CDH6: variants seen among roughly 807,000 people sequenced by gnomAD.
CDH6 encodes the protein cadherin-6.
In CDH6, 31 loss-of-function variants were observed where a neutral mutation model predicts 78.0. That is an observed-to-expected ratio of 0.40 (90% CI 0.30 to 0.54). The LOEUF is 0.54. Among genes scored for constraint, CDH6 ranks in the 20% least tolerant of loss-of-function variants. The pLI, the probability that CDH6 is intolerant of heterozygous loss-of-function variation, is 0.56. For missense variants in CDH6, 724 were observed against 975.9 expected, an observed-to-expected ratio of 0.74 and a Z score of 3.44; for synonymous variants, 376 against 368.8, an observed-to-expected ratio of 1.02 and a Z score of -0.23.
At chr5:31,297,157 C>A (rs1200398213) in intron 3 of CDH6, 132 bp from the exon 4 acceptor site, 7 of 736,726 alleles carry the variant, frequency 9.5e-6, no homozygotes, top group Non-Finnish European at 1.7e-5. Context: ...TTTCACCCAG[C>A]ATCCTACCAA....
intron 1 of CDH6, among the ~76,000 whole-genome samples, chr5:31,207,658 G>A (rs1052954702): frequency 2.6e-5 from 4 of 152,190 alleles, no homozygotes; most frequent in Non-Finnish European, 5.9e-5. Flanking sequence ...TTTGACAAAT[G>A]GCAAGAACAC....
intron 7 of CDH6, among the ~76,000 whole-genome samples, chr5:31,309,339 C>G (rs1738083257): frequency 6.6e-6 from 1 of 152,032 alleles, no homozygotes; most frequent in Non-Finnish European, 1.5e-5. Context: ...TAATTCACTA[C>G]TTGTGTTTTA....
chr5:31,277,141 T>C (rs1456125691), intron 2 of CDH6, among the ~76,000 whole-genome samples: 1 of 152,216 alleles, frequency 6.6e-6, no homozygotes, highest in Non-Finnish European at 1.5e-5. Context: ...AATATGAAGT[T>C]GCCTTTATTA....
At position 31,197,660 on chromosome 5, in the gene CDH6, G is replaced by A. The variant is rs151295444; in HGVS notation, c.-129+3774G>A. On this transcript the variant is annotated intron_variant, in intron 1 of 11. Transcript: ENST00000265071. ...GAAAGAAGAAGGCATACACACACAC[G>A]CAAACACAGCACCCAGTTGTGACAA... Among the ~76,000 whole-genome samples the A allele has an allele frequency of 1.6e-4, 25 of 152,196 alleles. No homozygotes were observed. The East Asian group carries it at 3.7e-3, about 22-fold the overall frequency.
chr5:31,300,296 A>T (rs183762519), intron 5 of CDH6, among the ~76,000 whole-genome samples: 116 of 152,298 alleles, frequency 7.6e-4, no homozygotes, highest in Non-Finnish European at 1.2e-3. Context: ...GTAACTTTTC[A>T]TCCAGGAACA....
At chr5:31,207,716 T>C (rs992784685) in intron 1 of CDH6, among the ~76,000 whole-genome samples, 19 of 152,194 alleles carry the variant, frequency 1.2e-4, no homozygotes, top group African/African-American at 4.6e-4. Flanking sequence ...ATTATGAAAC[T>C]CTGGACAACA....
In CDH6 at chr5:31,297,406, C is replaced by A; in HGVS notation, c.641C>A (p.Thr214Lys). The stretch of plus-strand genomic sequence containing the variant: ...CCCTATTTTTCAGTTGAATCAGAAA[C>A]AGGTTAGACTTTTTGATCTTCCTTT... ...GQPYFSVESE[T>K]GIIKTALLNM... Residue 214 changes from threonine to lysine, a missense_variant and splice_region_variant, in exon 4 of 12, where the codon ACA (threonine) becomes AAA (lysine). Physicochemically the swap from Thr to Lys is moderately conservative, Grantham distance 78 (BLOSUM62 -1). Coordinates refer to ENST00000265071, the MANE Select transcript of CDH6 (RefSeq NM_004932.4). 1.9e-6 allele frequency: 3 copies of A among 1,600,154 alleles called. No homozygotes were observed. The highest frequency in any genetic ancestry group is 2.6e-6 in the Non-Finnish European group (3 of 1,172,710).
intron 1 of CDH6, among the ~76,000 whole-genome samples, chr5:31,241,058 G>A (rs1177845425): frequency 6.6e-6 from 1 of 152,214 alleles, no homozygotes; most frequent in African/African-American, 2.4e-5. Flanking sequence ...GGGAGAGATT[G>A]TTTCCCTTTT....
At chr5:31,270,327 T>G (rs1014402286) in intron 2 of CDH6, among the ~76,000 whole-genome samples, 1 of 152,182 alleles carries the variant, frequency 6.6e-6, no homozygotes, top group Non-Finnish European at 1.5e-5. Flanking sequence ...AACAACTTAA[T>G]AAGAATTTTT....
rs1465160216 is a variant in CDH6, at chr5:31,326,259, G to C, written c.*2951G>C. ...GTTTCAAGGACATTGAGAGCTTTCT[G>C]ATGATATGTTTTTGCCCTCTATTCA... On this transcript the variant is annotated 3_prime_UTR_variant, in exon 12 of 12. Transcript: ENST00000265071. 1 of 220,772 alleles carries C rather than the reference G, an allele frequency of 4.5e-6. No homozygotes were observed. The highest frequency in any genetic ancestry group is 9.0e-6 in the Non-Finnish European group (1 of 110,544). The allele number at this position is 220,772 out of a possible 1,614,324, so 13.7% of individuals were successfully genotyped here.
At chr5:31,216,164 G>C (rs181529485) in intron 1 of CDH6, among the ~76,000 whole-genome samples, 1 of 151,360 alleles carries the variant, frequency 6.6e-6, no homozygotes. Flanking sequence ...CTTAGGGTCT[G>C]TTCTAAAAAA....
At chr5:31,274,096 A>G (rs1310619882) in intron 2 of CDH6, among the ~76,000 whole-genome samples, 1 of 152,226 alleles carries the variant, frequency 6.6e-6, no homozygotes, top group Non-Finnish European at 1.5e-5. Context: ...GAGTTAGCAC[A>G]TTTAAGAAAA....
chr5:31,317,506 A>G lies in CDH6; in HGVS notation c.1630+14A>G. 6.4e-7 allele frequency: 1 copy of G among 1,571,394 alleles called. No homozygotes were observed. The highest frequency in any genetic ancestry group is 8.7e-7 in the Non-Finnish European group (1 of 1,143,376). ...AAGACAACAAAGGTAAATGAGTTCA[A>G]GTTACCTTCTCTATCTATCTCCATC... On this transcript the variant is annotated intron_variant, in intron 10 of 11. Transcript: ENST00000265071.
chr5:31,290,005 C>A (rs775814435), intron 2 of CDH6, among the ~76,000 whole-genome samples: 2 of 152,078 alleles, frequency 1.3e-5, no homozygotes, highest in African/African-American at 4.8e-5. Context: ...CCTGTAATCC[C>A]GGCACTTTGG....
chr5:31,269,057 G>A (rs1182185227), intron 2 of CDH6, among the ~76,000 whole-genome samples: 1 of 152,174 alleles, frequency 6.6e-6, no homozygotes, highest in Admixed American at 6.5e-5. Flanking sequence ...TGTGAAATCT[G>A]AAGAACTCTA....
intron 1 of CDH6, among the ~76,000 whole-genome samples, chr5:31,245,694 T>C (rs542637167): frequency 6.6e-6 from 1 of 152,246 alleles, no homozygotes; most frequent in East Asian, 1.9e-4. Context: ...CAAGAAATAT[T>C]TAACCTAAGC....
chr5:31,290,104 C>CA (rs980602464), intron 2 of CDH6, among the ~76,000 whole-genome samples: 11 of 151,984 alleles, frequency 7.2e-5, no homozygotes, highest in African/African-American at 2.2e-4. Flanking sequence ...TAAAAATACA[C>CA]AAAAAATTAG....
intron 1 of CDH6, among the ~76,000 whole-genome samples, chr5:31,201,589 C>T (rs12188406): frequency 0.75 from 114,024 of 152,022 alleles, 42,842 homozygotes; most frequent in Middle Eastern, 0.9. Context: ...TATGATGGCT[C>T]TTTCCTTGGC....
chr5:31,199,685 GTATA>G (rs1554035032), intron 1 of CDH6, among the ~76,000 whole-genome samples: 68 of 79,860 alleles, frequency 8.5e-4, no homozygotes, highest in African/African-American at 3.2e-3. Flanking sequence ...GTGTGTGTGT[GTATA>G]TATATATATA....
Sources: gnomAD v4.1 joint callset for allele counts (sites outside exome capture counted in the v4.1 genomes callset) on GRCh38, gnomAD v4.1.1 for gene constraint, MANE v1.5 for transcripts, NCBI Gene and HGNC (gene_info 2026-07-23, HGNC 2026-07-21) for gene names.